SMARCB1: variants seen among roughly 807,000 people sequenced by gnomAD.
SMARCB1 encodes the protein SWI/SNF-related matrix-associated actin-dependent regulator of chromatin subfamily B member 1.
A neutral mutation model predicts 49.0 loss-of-function variants in SMARCB1; 5 were observed. That is an observed-to-expected ratio of 0.10 (90% CI 0.05 to 0.21). SMARCB1 has a LOEUF of 0.21. SMARCB1 is among the 10% of genes least tolerant of loss of function. The pLI, the probability that SMARCB1 is intolerant of heterozygous loss-of-function variation, is 1.00. For missense variants in SMARCB1, 226 were observed against 509.2 expected (o/e 0.44, Z 5.35); for synonymous variants, 201 against 200.1 (o/e 1.00, Z -0.04).
At chr22:23,820,991 T>C (rs2030055620) in intron 6 of SMARCB1, among the ~76,000 whole-genome samples, 1 of 152,210 alleles carries the variant, frequency 6.6e-6, no homozygotes, top group Non-Finnish European at 1.5e-5. Context: ...CCTTAACGTT[T>C]TTCTCAGAAT....
chr22:23,820,130 C>A (rs1196184251), intron 6 of SMARCB1, among the ~76,000 whole-genome samples: 1 of 152,076 alleles, frequency 6.6e-6, no homozygotes, highest in East Asian at 1.9e-4. Flanking sequence ...GGCCAGTTTG[C>A]CAGCATTTTT....
At chr22:23,819,285 G>T (rs2029947799) in intron 6 of SMARCB1, among the ~76,000 whole-genome samples, 1 of 151,988 alleles carries the variant, frequency 6.6e-6, no homozygotes, top group African/African-American at 2.4e-5. Context: ...TATGAACCTG[G>T]GTGTGCAGGT....
At chr22:23,807,938 G>A (rs1423899926) in intron 5 of SMARCB1, among the ~76,000 whole-genome samples, 3 of 148,582 alleles carry the variant, frequency 2.0e-5, no homozygotes, top group Non-Finnish European at 3.0e-5. Flanking sequence ...GGGACTACAG[G>A]TGCCCACCAC....
rs569699877 is a variant in SMARCB1 at position 23,797,500 on chromosome 22, T to C, written c.363-3444T>C. On this transcript the variant is annotated intron_variant, in intron 3 of 8. Transcript: ENST00000644036. ...ATTTTTTTTGTATTTTTAGTAGAGATGGAGTTTTATTGTGTTAGCCAGGAT... is the reference window on the plus strand; with the variant it reads ...ATTTTTTTTGTATTTTTAGTAGAGACGGAGTTTTATTGTGTTAGCCAGGAT... Among the ~76,000 whole-genome samples the C allele has an allele frequency of 2.1e-5, 3 of 145,798 alleles. No individual in the cohort carries two copies. The Admixed American group carries it at 2.1e-4, about 10-fold the overall frequency.
At chr22:23,831,147 A>T (rs950637980) in intron 7 of SMARCB1, among the ~76,000 whole-genome samples, 7 of 152,166 alleles carry the variant, frequency 4.6e-5, no homozygotes, top group African/African-American at 1.4e-4. Context: ...AATTGCAAAC[A>T]TAAGGGTGAC....
At chr22:23,822,694 G>A (rs1278898670) in intron 6 of SMARCB1, among the ~76,000 whole-genome samples, 1 of 152,144 alleles carries the variant, frequency 6.6e-6, no homozygotes, top group Non-Finnish European at 1.5e-5. Context: ...CCGGGTACCA[G>A]ACCTTGGCTC....
chr22:23,787,072 T>G lies in SMARCB1; in HGVS notation c.-98T>G. ...ACCCGGCCCGGTCCGCATTTCGCCT[T>G]CCGGCTTCGGTTTCCCTCGGCCCAG... is the stretch of plus-strand genomic sequence containing the variant. On this transcript the variant is annotated 5_prime_UTR_variant, in exon 1 of 9. Transcript: ENST00000644036. 2 of 798,994 alleles carry G rather than the reference T, an allele frequency of 2.5e-6. No individual in the cohort carries two copies. Among genetic ancestry groups the G allele is most frequent in the Non-Finnish European group, 2.1e-6 (1 of 477,584 alleles). The allele number at this position is 798,994 out of a possible 1,614,324, so 49.5% of individuals were successfully genotyped here.
In SMARCB1 at chr22:23,835,207, C is replaced by T. The variant is rs1196416152; in HGVS notation, c.*1027C>T. 7.9e-7 allele frequency: 1 copy of T among 1,268,702 alleles called. No homozygotes were observed. Among genetic ancestry groups the T allele is most frequent in the Non-Finnish European group, 9.9e-7 (1 of 1,008,378 alleles). The allele number at this position is 1,268,702 out of a possible 1,614,324, so 78.6% of individuals were successfully genotyped here. On this transcript the variant is annotated 3_prime_UTR_variant, in exon 9 of 9. Coordinates refer to ENST00000644036, the MANE Select transcript of SMARCB1 (RefSeq NM_003073.5). ...TTCCCAGCCCTGCCTCCAAGGAGTT[C>T]ATGTCCCCTCTGTTCTCATCTGTAA...
In SMARCB1 at chr22:23,836,976, C is replaced by T; in HGVS notation, c.*2796C>T. The T allele has an allele frequency of 6.2e-7, 1 of 1,604,384 alleles. No individual in the cohort carries two copies. ...AGGAGCAGCTTTCTGTGGGGAGGGGCCCGTGTTGAGCACAGGCCAGCACAG... is the reference window on the plus strand; with the variant it reads ...AGGAGCAGCTTTCTGTGGGGAGGGGTCCGTGTTGAGCACAGGCCAGCACAG... On this transcript the variant is annotated 3_prime_UTR_variant, in exon 9 of 9. Transcript: ENST00000644036.
chr22:23,792,424 A>G, intron 2 of SMARCB1: 1 of 273,914 alleles, frequency 3.7e-6, no homozygotes, highest in Non-Finnish European at 7.2e-6. Flanking sequence ...TAGTGAAACT[A>G]GTGGGCTTTG....
In SMARCB1 at chr22:23,837,769, C is replaced by T. The variant is rs148001527; in HGVS notation, c.*3589C>T. ...CAGGCCGAAGAAGTTGACCCTCACC[C>T]GAGGGCTGCGGCGGCTCCACACGTA... On this transcript the variant is annotated 3_prime_UTR_variant, in exon 9 of 9. Transcript: ENST00000644036. 1.9e-6 allele frequency: 3 copies of T among 1,613,986 alleles called. No homozygotes were observed. The highest frequency in any genetic ancestry group is 2.5e-6 in the Non-Finnish European group (3 of 1,180,010).
chr22:23,787,310 G>A, intron 1 of SMARCB1, 48 bp downstream of exon 1: 2 of 1,225,466 alleles, frequency 1.6e-6, no homozygotes, highest in Non-Finnish European at 2.4e-6. Flanking sequence ...CCCCGCGGGA[G>A]CCCCGGGGCG....
In SMARCB1 at chr22:23,834,959, C is replaced by T; in HGVS notation, c.*779C>T. On this transcript the variant is annotated 3_prime_UTR_variant, in exon 9 of 9. Coordinates refer to ENST00000644036, the MANE Select transcript of SMARCB1 (RefSeq NM_003073.5). ...TGCGGAGGGCCCAGTCCTGTGTGGG[C>T]ACTGCTGGGCTGTCGCCAGCCTGGG... 6.4e-7 allele frequency: 1 copy of T among 1,569,428 alleles called. No individual in the cohort carries two copies. The highest frequency in any genetic ancestry group is 8.6e-7 in the Non-Finnish European group (1 of 1,160,078).
Position 23,837,504 on chromosome 22 carries a change from G to T in SMARCB1, c.*3324G>T. 1.2e-6 allele frequency: 1 copy of T among 820,384 alleles called. No homozygotes were observed. Among genetic ancestry groups the T allele is most frequent in the Non-Finnish European group, 1.9e-6 (1 of 529,584 alleles). 50.8% of individuals were successfully genotyped at this position (820,384 alleles called of 1,614,324 possible). A position where few individuals can be genotyped will look rare whatever the true frequency, so the allele number is the denominator to read the frequency against. On this transcript the variant is annotated 3_prime_UTR_variant, in exon 9 of 9. Transcript: ENST00000644036. ...TGTGGGCCGGCTGGCTTGAGGGGCTGTAAGAGCACAGCAGCTGGGAGGGCA... is the reference window on the plus strand; with the variant it reads ...TGTGGGCCGGCTGGCTTGAGGGGCTTTAAGAGCACAGCAGCTGGGAGGGCA...
intron 3 of SMARCB1, among the ~76,000 whole-genome samples, chr22:23,800,373 CT>C (rs1011751057): frequency 1.3e-4 from 20 of 152,354 alleles, no homozygotes; most frequent in Admixed American, 1.2e-3. Flanking sequence ...GAGGCCTTGC[CT>C]AGTCCATCTC....
At chr22:23,798,205 G>A (rs1405573831) in intron 3 of SMARCB1, among the ~76,000 whole-genome samples, 1 of 152,036 alleles carries the variant, frequency 6.6e-6, no homozygotes, top group Non-Finnish European at 1.5e-5. Context: ...CATCTTCTTG[G>A]GCCCTTCCTC....
chr22:23,821,878 A>G (rs1177885350), intron 6 of SMARCB1, among the ~76,000 whole-genome samples: 2 of 150,366 alleles, frequency 1.3e-5, no homozygotes, highest in Non-Finnish European at 3.0e-5. Flanking sequence ...AAAAAAAAAG[A>G]AAAAAGAGAA....
chr22:23,805,530 A>G (rs1388331250), intron 5 of SMARCB1, among the ~76,000 whole-genome samples: 2 of 151,442 alleles, frequency 1.3e-5, no homozygotes, highest in Non-Finnish European at 2.9e-5. Context: ...TTTGAGATGG[A>G]GTTTCACTCT....
At chr22:23,828,579 G>A (rs1174388693) in intron 7 of SMARCB1, among the ~76,000 whole-genome samples, 4 of 152,208 alleles carry the variant, frequency 2.6e-5, no homozygotes, top group East Asian at 3.9e-4. Flanking sequence ...GCTTGAACCC[G>A]TGAGGCGGAG....
Sources: gnomAD v4.1 joint callset for allele counts (sites outside exome capture counted in the v4.1 genomes callset) on GRCh38, gnomAD v4.1.1 for gene constraint, MANE v1.5 for transcripts, NCBI Gene and HGNC (gene_info 2026-07-23, HGNC 2026-07-21) for gene names.